Variants in COL24A1 observed in about 807,000 individuals in gnomAD.
COL24A1 encodes the protein collagen alpha-1(XXIV) chain.
Under a neutral mutation model 253.9 loss-of-function variants are expected in COL24A1, and 224 were observed. The ratio of observed to expected loss-of-function variants is 0.88; its 90% CI spans 0.79 to 0.99. The LOEUF is 0.99. COL24A1 is among the 50% of genes least tolerant of loss of function. The pLI is 0.00. For missense variants in COL24A1, 2,131 were observed against 2,068.5 expected (o/e 1.03, Z -0.59); for synonymous variants, 685 against 673.7 (o/e 1.02, Z -0.26).
At chr1:86,097,565 T>C (rs1444944523) in intron 5 of COL24A1, among the ~76,000 whole-genome samples, 3 of 4,240 alleles carry the variant, frequency 7.1e-4, no homozygotes, top group Admixed American at 3.8e-3. Flanking sequence ...TCCCTTCTCC[T>C]CCCCCTCCTC....
In COL24A1 at chr1:85,915,378, C is replaced by T. The variant is rs117656919; in HGVS notation, c.2563-3945G>A. ...TTCTTGTGGTTCTCAGGCCTTTGAACTCGGACTGGAACTATACTGGATTTC... is the reference window on the plus strand; with the variant it reads ...TTCTTGTGGTTCTCAGGCCTTTGAATTCGGACTGGAACTATACTGGATTTC... On this transcript the variant is annotated intron_variant, in intron 24 of 59. Transcript: ENST00000370571. 3.0e-3 allele frequency among the ~76,000 whole-genome samples: 459 copies of T among 152,274 alleles called. 7 individuals are homozygous for T. The highest frequency in any genetic ancestry group is 0.024 in the Admixed American group (360 of 15,298).
intron 14 of COL24A1, 50 bp downstream of exon 14, chr1:86,031,828 T>C (rs781628611): frequency 4.1e-6 from 6 of 1,471,652 alleles, no homozygotes; most frequent in Admixed American, 3.8e-5. Flanking sequence ...CACATATAAA[T>C]TGCACAATAA....
At chr1:85,830,525 C>T (rs1175899456) in intron 43 of COL24A1, among the ~76,000 whole-genome samples, 5 of 152,170 alleles carry the variant, frequency 3.3e-5, no homozygotes, top group African/African-American at 9.6e-5. Context: ...CCCAGCCTGG[C>T]TGCCGCCTTG....
chr1:86,050,156 C>T lies in COL24A1; in HGVS notation c.1873G>A (p.Glu625Lys). Residue 625 changes from glutamate to lysine, a missense_variant, in exon 11 of 60, where the codon GAA (glutamate) becomes AAA (lysine). Coordinates refer to ENST00000370571, the MANE Select transcript of COL24A1 (RefSeq NM_152890.7). ...CCTTCAGGTCCCAGTTGTCCCGCTT[C>T]TCCAGGAGAGCCAATAAAACCCTTA... The part of the protein sequence containing the change: ...GAQGFIGSPG[E>K]AGQLGPEGER... 1 of 1,613,400 alleles carries T rather than the reference C, an allele frequency of 6.2e-7. No individual in the cohort carries two copies. Among genetic ancestry groups the T allele is most frequent in the Non-Finnish European group, 8.5e-7 (1 of 1,179,504 alleles).
At chr1:85,754,447 T>A (rs1570459762) in intron 55 of COL24A1, among the ~76,000 whole-genome samples, 1 of 89,248 alleles carries the variant, frequency 1.1e-5, no homozygotes, top group Non-Finnish European at 2.2e-5. Flanking sequence ...AGATGACACG[T>A]TAGTGGGTGC....
At chr1:85,907,396 C>T in intron 27 of COL24A1, 149 bp from the exon 28 acceptor site, 2 of 618,942 alleles carry the variant, frequency 3.2e-6, no homozygotes, top group Non-Finnish European at 5.6e-6. Context: ...AATCACACTG[C>T]CCTCTACCAA....
chr1:86,014,961 C>T (rs565639), intron 19 of COL24A1, among the ~76,000 whole-genome samples: 47,274 of 151,858 alleles, frequency 0.31, 7,878 homozygotes, highest in Middle Eastern at 0.51. Context: ...CTTTGGTTAA[C>T]GCATACAGGA....
intron 7 of COL24A1, among the ~76,000 whole-genome samples, chr1:86,068,938 C>T (rs1050394642): frequency 1.1e-4 from 16 of 152,112 alleles, no homozygotes; most frequent in African/African-American, 3.9e-4. Context: ...ACCTGTTGAC[C>T]AAAGAGCCCT....
intron 57 of COL24A1, among the ~76,000 whole-genome samples, chr1:85,740,632 A>G (rs563828200): frequency 4.0e-5 from 6 of 151,758 alleles, no homozygotes; most frequent in Non-Finnish European, 7.4e-5. Flanking sequence ...CAATTTTTCT[A>G]TTTTTAGTAG....
intron 7 of COL24A1, among the ~76,000 whole-genome samples, chr1:86,064,866 T>A (rs1358455448): frequency 6.6e-6 from 1 of 152,248 alleles, no homozygotes; most frequent in South Asian, 2.1e-4. Flanking sequence ...GCTTTTGCGA[T>A]GTTAAACTTA....
chr1:85,769,778 G>T (rs934420510), intron 53 of COL24A1, among the ~76,000 whole-genome samples: 2 of 152,114 alleles, frequency 1.3e-5, no homozygotes, highest in African/African-American at 2.4e-5. Context: ...TGTTGTCCAT[G>T]TTTTCTTTGG....
intron 47 of COL24A1, among the ~76,000 whole-genome samples, chr1:85,789,794 A>C (rs201180192): frequency 1.3e-5 from 2 of 151,992 alleles, no homozygotes; most frequent in African/African-American, 4.8e-5. Flanking sequence ...CCTTTTCTGC[A>C]TCTACTGAGA....
chr1:86,104,570 G>A (rs1441421551), intron 5 of COL24A1, among the ~76,000 whole-genome samples: 2 of 152,124 alleles, frequency 1.3e-5, no homozygotes, highest in African/African-American at 4.8e-5. Context: ...TATCCTATTT[G>A]ATGAACTTGA....
intron 37 of COL24A1, among the ~76,000 whole-genome samples, chr1:85,866,424 T>A (rs1478210688): frequency 6.6e-6 from 1 of 152,174 alleles, no homozygotes; most frequent in African/African-American, 2.4e-5. Flanking sequence ...GGGAGGATTC[T>A]ATGACAGTAT....
At chr1:85,770,212 T>C (rs575130710) in intron 53 of COL24A1, among the ~76,000 whole-genome samples, 2 of 152,324 alleles carry the variant, frequency 1.3e-5, no homozygotes, top group Admixed American at 6.5e-5. Context: ...CCTTTTGTGA[T>C]TCTTAGGCTA....
At chr1:86,042,147 C>A (rs1571712329) in intron 12 of COL24A1, among the ~76,000 whole-genome samples, 1 of 152,102 alleles carries the variant, frequency 6.6e-6, no homozygotes, top group South Asian at 2.1e-4. Context: ...TACAGGAAGT[C>A]TTTAAAAATA....
chr1:85,925,888 C>T (rs1687137056), intron 24 of COL24A1, among the ~76,000 whole-genome samples: 2 of 152,080 alleles, frequency 1.3e-5, no homozygotes, highest in African/African-American at 2.4e-5. Flanking sequence ...GAACAGGCAA[C>T]CTACAGAATG....
intron 24 of COL24A1, among the ~76,000 whole-genome samples, chr1:85,943,771 G>T (rs1688975272): frequency 6.6e-6 from 1 of 152,214 alleles, no homozygotes; most frequent in Admixed American, 6.5e-5. Flanking sequence ...GAAAGTCCAA[G>T]AAATCTGTCC....
At chr1:85,995,932 G>C (rs942164688) in intron 19 of COL24A1, among the ~76,000 whole-genome samples, 1 of 152,136 alleles carries the variant, frequency 6.6e-6, no homozygotes, top group Non-Finnish European at 1.5e-5. Flanking sequence ...CATGCTTCCT[G>C]TACAGCCTGC....
Sources: allele counts gnomAD v4.1 joint callset (sites outside exome capture counted in the v4.1 genomes callset), GRCh38; gene constraint gnomAD v4.1.1; transcripts MANE v1.5; gene names NCBI Gene and HGNC (gene_info 2026-07-23, HGNC 2026-07-21).